The following EPB41L4B variants were observed in gnomAD, a reference collection of about 807,000 sequenced individuals.
EPB41L4B encodes the protein erythrocyte membrane protein band 4.1 like 4B.
Under a neutral mutation model 112.5 loss-of-function variants are expected in EPB41L4B, and 30 were observed. The ratio of observed to expected loss-of-function variants is 0.27; its 90% confidence interval spans 0.20 to 0.36. The LOEUF is 0.36. Among genes scored for constraint, EPB41L4B ranks in the 10% least tolerant of loss-of-function variants. The pLI is 1.00. For missense variants in EPB41L4B, 1,024 were observed against 1,133.3 expected, an observed-to-expected ratio of 0.90 and a Z score of 1.38; for synonymous variants, 408 against 439.7, an observed-to-expected ratio of 0.93 and a Z score of 0.90.
chr9:109,232,356 TTC>T (rs1289693428), intron 15 of EPB41L4B, among the ~76,000 whole-genome samples: 3 of 152,106 alleles, frequency 2.0e-5, no homozygotes, highest in Non-Finnish European at 4.4e-5. Context: ...TGTGCCTTTA[TTC>T]TGTTTTTTCA....
At chr9:109,274,233 A>C (rs1835731065) in intron 2 of EPB41L4B, among the ~76,000 whole-genome samples, 1 of 152,064 alleles carries the variant, frequency 6.6e-6, no homozygotes. Context: ...TTAGGGAAGG[A>C]CTTACAGTGG....
At chr9:109,269,716 G>C (rs1297743961) in intron 2 of EPB41L4B, among the ~76,000 whole-genome samples, 2 of 152,168 alleles carry the variant, frequency 1.3e-5, no homozygotes, top group Non-Finnish European at 2.9e-5. Flanking sequence ...TAGAAAGACG[G>C]CTGGGGTGAT....
chr9:109,203,983 C>T (rs546485493), intron 18 of EPB41L4B, among the ~76,000 whole-genome samples: 1 of 152,268 alleles, frequency 6.6e-6, no homozygotes, highest in African/African-American at 2.4e-5. Context: ...TATTGAACAC[C>T]TGCTACGTGC....
At chr9:109,252,543 A>G (rs1834828580) in intron 12 of EPB41L4B, among the ~76,000 whole-genome samples, 1 of 152,202 alleles carries the variant, frequency 6.6e-6, no homozygotes, top group Non-Finnish European at 1.5e-5. Context: ...CCATCGGTTC[A>G]TAAAGGAAAG....
chr9:109,260,932 A>G (rs540668018), intron 6 of EPB41L4B, among the ~76,000 whole-genome samples: 1 of 152,292 alleles, frequency 6.6e-6, no homozygotes, highest in South Asian at 2.1e-4. Context: ...AGGACAACGT[A>G]CAAGCTTGCA....
intron 17 of EPB41L4B, among the ~76,000 whole-genome samples, chr9:109,212,073 AAT>A (rs1833201644): frequency 2.0e-5 from 3 of 152,046 alleles, no homozygotes; most frequent in Non-Finnish European, 4.4e-5. Flanking sequence ...CCTCCAGGGA[AAT>A]GCTCGATAAC....
At chr9:109,242,131 G>A (rs1250941092) in intron 15 of EPB41L4B, among the ~76,000 whole-genome samples, 1 of 152,224 alleles carries the variant, frequency 6.6e-6, no homozygotes, top group East Asian at 1.9e-4. Context: ...CTGCTTGGAG[G>A]CATGCCAGCA....
intron 1 of EPB41L4B, among the ~76,000 whole-genome samples, chr9:109,310,017 A>G (rs564508572): frequency 6.6e-6 from 1 of 152,306 alleles, no homozygotes; most frequent in East Asian, 1.9e-4. Flanking sequence ...GTACACACCC[A>G]GGATAGATGC....
chr9:109,268,494 A>G lies in EPB41L4B; in HGVS notation c.412-61T>C, dbSNP rs1588190565. On this transcript the variant is annotated intron_variant, in intron 2 of 25. Transcript: ENST00000374566. ...TCATCAGCAAGGTTATTCAGCCCTCACAGTTACCCTCCTCTAAAAGCCTTA... is the reference window on the plus strand; with the variant it reads ...TCATCAGCAAGGTTATTCAGCCCTCGCAGTTACCCTCCTCTAAAAGCCTTA... 6 of 1,439,848 alleles carry G rather than the reference A, an allele frequency of 4.2e-6. No homozygotes were observed. In the East Asian group the frequency reaches 1.4e-4, roughly 33 times the overall value. 89.2% of individuals were successfully genotyped at this position (1,439,848 alleles called of 1,614,324 possible).
At chr9:109,277,313 T>C (rs1835868044) in intron 2 of EPB41L4B, among the ~76,000 whole-genome samples, 2 of 58,540 alleles carry the variant, frequency 3.4e-5, no homozygotes, top group African/African-American at 8.9e-5. Flanking sequence ...GAAGTAGACA[T>C]GCAAAAAAAA....
chr9:109,289,686 A>C (rs770325861), intron 1 of EPB41L4B, among the ~76,000 whole-genome samples: 4 of 152,174 alleles, frequency 2.6e-5, no homozygotes, highest in Non-Finnish European at 5.9e-5. Context: ...AACGCACACT[A>C]GGACATTGAC....
At chr9:109,176,727 T>C in intron 24 of EPB41L4B, 31 bp from the exon 25 acceptor site, 1 of 1,612,352 alleles carries the variant, frequency 6.2e-7, no homozygotes. Flanking sequence ...AGGAGATCAA[T>C]CTCAATTTGG....
At chr9:109,306,657 G>A (rs939537273) in intron 1 of EPB41L4B, among the ~76,000 whole-genome samples, 1 of 151,952 alleles carries the variant, frequency 6.6e-6, no homozygotes, top group African/African-American at 2.4e-5. Context: ...CTGGTGAAGG[G>A]GTCCCACCTC....
intron 15 of EPB41L4B, among the ~76,000 whole-genome samples, chr9:109,234,526 C>T (rs1268272978): frequency 6.6e-6 from 1 of 152,108 alleles, no homozygotes; most frequent in Non-Finnish European, 1.5e-5. Context: ...TAACTTTTGG[C>T]TATTTGTATT....
At chr9:109,263,157 C>T in intron 5 of EPB41L4B, 55 bp from the exon 6 acceptor site, 11 of 1,105,130 alleles carry the variant, frequency 1.0e-5, no homozygotes, top group South Asian at 1.4e-5. Flanking sequence ...TACAACCATA[C>T]AAAATGTCAT....
chr9:109,239,683 T>G (rs1431103316), intron 15 of EPB41L4B: 1 of 264,546 alleles, frequency 3.8e-6, no homozygotes, highest in Non-Finnish European at 5.8e-6. Context: ...TAAGTATGCA[T>G]ACTGGTGAGG....
chr9:109,261,910 T>C (rs1267683673), intron 6 of EPB41L4B, among the ~76,000 whole-genome samples: 1 of 152,248 alleles, frequency 6.6e-6, no homozygotes, highest in Non-Finnish European at 1.5e-5. Context: ...TAATTATGAA[T>C]GAATATGTCA....
At chr9:109,264,122 C>G (rs1386209401) in intron 5 of EPB41L4B, among the ~76,000 whole-genome samples, 2 of 152,090 alleles carry the variant, frequency 1.3e-5, no homozygotes, top group African/African-American at 4.8e-5. Flanking sequence ...GTCTGTATTG[C>G]ACGGCTGAAT....
chr9:109,299,038 C>T (rs976728116), intron 1 of EPB41L4B, among the ~76,000 whole-genome samples: 1 of 152,116 alleles, frequency 6.6e-6, no homozygotes, highest in African/African-American at 2.4e-5. Flanking sequence ...ACACCAGGCA[C>T]TTTGAGGAAT....
Sources: gnomAD v4.1 joint callset for allele counts (sites outside exome capture counted in the v4.1 genomes callset) on GRCh38, gnomAD v4.1.1 for gene constraint, MANE v1.5 for transcripts, NCBI Gene and HGNC (gene_info 2026-07-23, HGNC 2026-07-21) for gene names.